The following BCOR variants were observed in gnomAD, a reference collection of about 807,000 sequenced individuals.
BCOR encodes BCL-6 corepressor.
A neutral mutation model predicts 86.7 loss-of-function variants in BCOR; 10 were observed. The observed-to-expected ratio is 0.12, with a 90% CI of 0.07 to 0.20. The LOEUF (loss-of-function observed/expected upper bound fraction) is 0.20, where lower values mean the gene tolerates loss of function less well. Among genes scored for constraint, BCOR ranks in the 10% least tolerant of loss-of-function variants. BCOR has a pLI of 1.00. For synonymous variants in BCOR, 611 were observed against 609.0 expected (o/e 1.00, Z -0.05); for missense variants, 1,259 against 1,452.1 (o/e 0.87, Z 2.16).
chrX:40,092,705 G>A (rs986575587), intron 1 of BCOR, among the ~76,000 whole-genome samples: 2 of 111,619 alleles, frequency 1.8e-5, no homozygotes, highest in South Asian at 7.5e-4. Context: ...CTACCTGCTC[G>A]TCACCAACCC....
intron 1 of BCOR, among the ~76,000 whole-genome samples, chrX:40,155,854 A>AG (rs1359788178): frequency 4.1e-4 from 45 of 110,512 alleles, no homozygotes; most frequent in African/African-American, 1.4e-3. Context: ...TGGGGTGGGG[A>AG]GGGGGGGCGC....
At chrX:40,174,919 C>T (rs747253352) in intron 1 of BCOR, among the ~76,000 whole-genome samples, 73 of 113,230 alleles carry the variant, frequency 6.4e-4, no homozygotes, top group Middle Eastern at 4.6e-3. Flanking sequence ...ACACGGGCAA[C>T]CTGTATTTAG....
At chrX:40,088,804 C>G (rs1461519473) in intron 1 of BCOR, among the ~76,000 whole-genome samples, 1 of 112,126 alleles carries the variant, frequency 8.9e-6, no homozygotes, top group Non-Finnish European at 1.9e-5. Context: ...CAGGCCACCC[C>G]CTCTCACCTC....
At position 40,072,713 on chromosome X, in the gene BCOR, A is replaced by C. The variant is rs759983308; in HGVS notation, c.2633T>G (p.Val878Gly). 1 of 1,210,335 alleles carries C rather than the reference A, an allele frequency of 8.3e-7. No homozygotes were observed. The highest frequency in any genetic ancestry group is 1.7e-5 in the African/African-American group (1 of 57,229). The part of the protein sequence containing the change: ...TYTFKQPVFT[V>G]SKDSVLAGTN... ...ACCTGCCAGAACACTGTCCTTGCTT[A>C]CGGTGAAGACTGGCTGTTTGAAAGT... Residue 878 changes from valine (V) to glycine (G), a missense_variant, in exon 4 of 15, where the codon GTA becomes GGA. By Grantham distance (109) the Val-to-Gly change is moderately radical. This residue lies in a region of BCOR where 534 missense variants were observed against 594.8 expected (regional missense o/e 0.90). Transcript: ENST00000378444.
chrX:40,071,476 C>T, intron 5 of BCOR, among the ~76,000 whole-genome samples, 161 bp downstream of exon 5: 1 of 111,879 alleles, frequency 8.9e-6, no homozygotes. Flanking sequence ...AACGAAAACA[C>T]AACGCAAAGA....
Position 40,125,731 on chromosome X carries a change from A to G in BCOR, c.-40-47762T>C, listed in dbSNP as rs139165483. Reference sequence around the variant, plus strand: ...CCACAGAAATCAAGAGATAGAATACATTGTTATTGTTGGTTTATGCCACTA... The same window carrying G: ...CCACAGAAATCAAGAGATAGAATACGTTGTTATTGTTGGTTTATGCCACTA... On this transcript the variant is annotated intron_variant, in intron 1 of 14. Transcript: ENST00000342274. Among the ~76,000 whole-genome samples the G allele has an allele frequency of 2.4e-4, 27 of 112,442 alleles. No homozygotes were observed. In the East Asian group the frequency reaches 6.7e-3, roughly 28 times the overall value.
chrX:40,171,712 G>C (rs2148032372), intron 1 of BCOR, among the ~76,000 whole-genome samples: 1 of 113,025 alleles, frequency 8.8e-6, no homozygotes, highest in South Asian at 3.6e-4. Flanking sequence ...GCGCAGTTGT[G>C]TGTGGTTTTT....
intron 1 of BCOR, among the ~76,000 whole-genome samples, chrX:40,148,742 A>T (rs997622890): frequency 9.0e-6 from 1 of 111,203 alleles, no homozygotes; most frequent in African/African-American, 3.3e-5. Flanking sequence ...CAGCGCTGTG[A>T]GGGAAGTAGG....
chrX:40,115,517 T>C (rs946619096), intron 1 of BCOR, among the ~76,000 whole-genome samples: 13 of 110,603 alleles, frequency 1.2e-4, no homozygotes, highest in Non-Finnish European at 2.5e-4. Flanking sequence ...GGCTCACGCC[T>C]GTAATCCCAG....
intron 1 of BCOR, among the ~76,000 whole-genome samples, chrX:40,138,577 C>T (rs777516844): frequency 9.0e-5 from 10 of 110,859 alleles, no homozygotes; most frequent in African/African-American, 1.3e-4. Flanking sequence ...TATTTTGAGA[C>T]GGAATCTTGC....
chrX:40,149,386 C>T (rs1404133702), intron 1 of BCOR, among the ~76,000 whole-genome samples: 1 of 111,393 alleles, frequency 9.0e-6, no homozygotes, highest in Non-Finnish European at 1.9e-5. Context: ...GGAGGCGGCA[C>T]AGTGCGATCC....
chrX:40,126,549 A>G (rs1288057971), intron 1 of BCOR, among the ~76,000 whole-genome samples: 2 of 110,189 alleles, frequency 1.8e-5, no homozygotes, highest in Non-Finnish European at 3.8e-5. Context: ...AAAAGAAAAG[A>G]AAAAAAACCA....
intron 1 of BCOR, among the ~76,000 whole-genome samples, chrX:40,139,456 CAT>C (rs1163392804): frequency 0.031 from 21 of 687 alleles, 3 homozygotes; most frequent in East Asian, 0.23. Context: ...AATATATATA[CAT>C]ATATATATAT....
At chrX:40,120,725 G>A (rs972120947) in intron 1 of BCOR, among the ~76,000 whole-genome samples, 2 of 111,983 alleles carry the variant, frequency 1.8e-5, no homozygotes, top group Non-Finnish European at 3.8e-5. Context: ...ACCTGTCCTC[G>A]GGGTACTTGT....
At chrX:40,172,034 C>G (rs1938634789) in intron 1 of BCOR, among the ~76,000 whole-genome samples, 1 of 112,869 alleles carries the variant, frequency 8.9e-6, no homozygotes, top group African/African-American at 3.2e-5. Flanking sequence ...GCGAGGGCAG[C>G]TGGGCGTCTG....
intron 3 of BCOR, 142 bp downstream of exon 3, chrX:40,076,312 C>CGCA: frequency 2.1e-6 from 1 of 478,141 alleles, no homozygotes; most frequent in Admixed American, 2.8e-5. Flanking sequence ...CTTGTCCTCT[C>CGCA]GCAGAGGCCT....
chrX:40,113,073 A>T (rs1937336367), intron 1 of BCOR, among the ~76,000 whole-genome samples: 2 of 106,417 alleles, frequency 1.9e-5, no homozygotes, highest in African/African-American at 6.9e-5. Context: ...AGGCCAGGCC[A>T]CCATCTTGGG....
At chrX:40,171,899 G>A (rs1938630175) in intron 1 of BCOR, among the ~76,000 whole-genome samples, 1 of 112,921 alleles carries the variant, frequency 8.9e-6, no homozygotes, top group Admixed American at 9.3e-5. Flanking sequence ...AGGCGCGCGG[G>A]CTGATGCGCT....
At chrX:40,070,514 G>A (rs1247079216) in intron 6 of BCOR, among the ~76,000 whole-genome samples, 1 of 111,726 alleles carries the variant, frequency 9.0e-6, no homozygotes, top group African/African-American at 3.3e-5. Context: ...GGATTCTGTG[G>A]CCAATTCTCC....
Sources: gnomAD v4.1 joint callset for allele counts (sites outside exome capture counted in the v4.1 genomes callset) on GRCh38, gnomAD v4.1.1 for gene constraint, gnomAD v4.1.1 regional missense constraint, MANE v1.5 for transcripts, NCBI Gene and HGNC (gene_info 2026-07-23, HGNC 2026-07-21) for gene names.